The following CCDC125 variants were observed in gnomAD, a reference collection of about 807,000 sequenced individuals.
The protein encoded by CCDC125 is coiled-coil domain-containing protein 125.
In CCDC125, 43 loss-of-function variants were observed where a neutral mutation model predicts 57.4. The ratio of observed to expected loss-of-function variants is 0.75; its 90% confidence interval spans 0.59 to 0.97. CCDC125 has a LOEUF of 0.97. Ranked by LOEUF, CCDC125 falls within the 50% of genes least tolerant of loss-of-function variation. CCDC125 has a pLI of 0.00. For synonymous variants in CCDC125, 187 were observed against 195.2 expected, an observed-to-expected ratio of 0.96 and a Z score of 0.35; for missense variants, 563 against 595.7, an observed-to-expected ratio of 0.95 and a Z score of 0.57.
chr5:69,317,481 CG>C (rs1759307764), intron 2 of CCDC125, among the ~76,000 whole-genome samples: 3 of 149,110 alleles, frequency 2.0e-5, no homozygotes, highest in African/African-American at 5.2e-5. Flanking sequence ...TGAGCTACCA[CG>C]AGCTACCACG....
At chr5:69,279,073 G>T (rs528858012), downstream of CCDC125, among the ~76,000 whole-genome samples, 2 of 151,826 alleles carry the variant, frequency 1.3e-5, no homozygotes, top group South Asian at 4.2e-4. Context: ...AGTTCTGTAG[G>T]CCATATATCT....
In CCDC125 at chr5:69,320,586, G is replaced by A. The variant is rs367973296; in HGVS notation, c.-40-6C>T. The A allele has an allele frequency of 2.5e-5, 34 of 1,364,520 alleles. No individual in the cohort carries two copies. The African/African-American group carries it at 3.0e-4, about 12-fold the overall frequency. The allele number at this position is 1,364,520 out of a possible 1,614,324, so 84.5% of individuals were successfully genotyped here. ...CATAAGAAAAAATGGGCTGTCTGTA[G>A]TTAAGAAAAACAGTAGTTAGGAAAA... is the stretch of plus-strand genomic sequence containing the variant. On this transcript the variant is annotated splice_region_variant and splice_polypyrimidine_tract_variant and intron_variant, in intron 1 of 11. Transcript: ENST00000396496.
intron 2 of CCDC125, among the ~76,000 whole-genome samples, chr5:69,315,528 G>A (rs1226434112): frequency 6.9e-6 from 1 of 145,104 alleles, no homozygotes; most frequent in East Asian, 2.1e-4. Context: ...AGGCTGAGGA[G>A]GGTGGATCAT....
chr5:69,320,174 A>G, intron 2 of CCDC125, 63 bp downstream of exon 2: 1 of 1,334,230 alleles, frequency 7.5e-7, no homozygotes, highest in South Asian at 1.4e-5. Context: ...TAGATTTTGG[A>G]AGGGTTATAG....
At chr5:69,313,572 CA>C (rs1758507125) in intron 3 of CCDC125, 1 of 741,370 alleles carries the variant, frequency 1.3e-6, no homozygotes, top group East Asian at 2.5e-5. Flanking sequence ...AGAAGATAAA[CA>C]CCAGGTCCTC....
chr5:69,292,185 T>TA lies in CCDC125; in HGVS notation c.1099+2dup, dbSNP rs1754562495. 1 of 1,605,996 alleles carries TA rather than the reference T, an allele frequency of 6.2e-7. No homozygotes were observed. The highest frequency in any genetic ancestry group is 1.3e-5 in the African/African-American group (1 of 74,580). On this transcript the variant is annotated splice_region_variant and intron_variant, in intron 10 of 11. Coordinates refer to ENST00000396496, the MANE Select transcript of CCDC125 (RefSeq NM_176816.5). Reference sequence around the variant, plus strand: ...ACTTATTGCCATTATAATTCATAGTTACCATCCTCTTTAAGGTGCTTCCAA... The same window carrying TA: ...ACTTATTGCCATTATAATTCATAGTTAACCATCCTCTTTAAGGTGCTTCCAA...
rs1752504503 is a variant in CCDC125, at chr5:69,281,850, T to A, written c.*879A>T. ...AATAATTTTTTGTTTTTCCCAAAAA[T>A]CATTATTTTTTGTTTTAGGATGTTG... On this transcript the variant is annotated 3_prime_UTR_variant, in exon 12 of 12. Transcript: ENST00000396496. 2.0e-5 allele frequency: 3 copies of A among 151,928 alleles called. No homozygotes were observed. The highest frequency in any genetic ancestry group is 2.0e-4 in the Admixed American group (3 of 15,222). The allele number at this position is 151,928 out of a possible 1,614,324, so 9.4% of individuals were successfully genotyped here.
At chr5:69,299,164 C>T (rs1293884257) in intron 8 of CCDC125, among the ~76,000 whole-genome samples, 1 of 150,284 alleles carries the variant, frequency 6.7e-6, no homozygotes, top group East Asian at 2.0e-4. Context: ...GGCCAGACTG[C>T]AGTGGCGCGA....
chr5:69,316,139 A>T (rs557781573), intron 2 of CCDC125, among the ~76,000 whole-genome samples: 276 of 152,312 alleles, frequency 1.8e-3, no homozygotes, highest in African/African-American at 6.4e-3. Context: ...ACAGGCTTCC[A>T]AGGAGGGCAG....
chr5:69,275,784 G>A (rs1057453238), downstream of CCDC125, among the ~76,000 whole-genome samples: 3 of 152,106 alleles, frequency 2.0e-5, no homozygotes, highest in Non-Finnish European at 4.4e-5. Context: ...GACAAGCCTG[G>A]CCAATATAGC....
intron 10 of CCDC125, 102 bp from the exon 11 acceptor site, chr5:69,285,569 A>G: frequency 1.7e-6 from 2 of 1,156,360 alleles, no homozygotes; most frequent in Middle Eastern, 2.2e-4. Flanking sequence ...TGAGTCCAGG[A>G]GCACACAGTG....
intron 10 of CCDC125, among the ~76,000 whole-genome samples, chr5:69,290,407 A>G (rs1178960107): frequency 6.6e-6 from 1 of 151,034 alleles, no homozygotes; most frequent in Non-Finnish European, 1.5e-5. Flanking sequence ...GGTTCAAGCG[A>G]TTCTCCTGCC....
At chr5:69,275,739 G>A (rs149345383), downstream of CCDC125, among the ~76,000 whole-genome samples, 482 of 152,246 alleles carry the variant, frequency 3.2e-3, 4 homozygotes, top group African/African-American at 0.011. Flanking sequence ...TTAGGGAGGC[G>A]GAGGCGGGAG....
downstream of CCDC125, among the ~76,000 whole-genome samples, chr5:69,278,569 C>T (rs1752315941): frequency 6.6e-6 from 1 of 152,014 alleles, no homozygotes; most frequent in African/African-American, 2.4e-5. Context: ...GGAAATGACT[C>T]TATGAAATTG....
chr5:69,304,712 A>G (rs1462340412), intron 6 of CCDC125, among the ~76,000 whole-genome samples: 1 of 152,216 alleles, frequency 6.6e-6, no homozygotes, highest in African/African-American at 2.4e-5. Flanking sequence ...GGCGTGAGCC[A>G]CTGCGCCTGG....
At chr5:69,292,050 G>A (rs940842491) in intron 10 of CCDC125, 138 bp downstream of exon 10, 3 of 772,476 alleles carry the variant, frequency 3.9e-6, no homozygotes, top group Middle Eastern at 3.9e-4. Context: ...TAGTTGCTAA[G>A]TTTTTAAGTA....
chr5:69,300,159 A>G lies in CCDC125; in HGVS notation c.701-32T>C. The G allele has an allele frequency of 3.3e-6, 5 of 1,503,302 alleles. No individual in the cohort carries two copies. The East Asian group carries it at 1.1e-4, about 34-fold the overall frequency. 93.1% of individuals were successfully genotyped at this position (1,503,302 alleles called of 1,614,324 possible). ...AGGGCCATATGAGAAAGTATTCATT[A>G]TGAAGCCTAACTCCACCCTCATCCA... On this transcript the variant is annotated intron_variant, in intron 7 of 11. Transcript: ENST00000396496.
intron 6 of CCDC125, among the ~76,000 whole-genome samples, 183 bp downstream of exon 6, chr5:69,306,634 G>T (rs1269053391): frequency 6.6e-6 from 1 of 152,150 alleles, no homozygotes; most frequent in Non-Finnish European, 1.5e-5. Flanking sequence ...ACCACACCCA[G>T]CCTATGCTAT....
intron 1 of CCDC125, among the ~76,000 whole-genome samples, chr5:69,321,368 AAAGTC>A (rs1321681198): frequency 2.0e-5 from 3 of 152,232 alleles, no homozygotes; most frequent in African/African-American, 7.2e-5. Context: ...ACCCATCAGT[AAAGTC>A]ATGTGTCACC....
Sources: gnomAD v4.1 joint callset for allele counts (sites outside exome capture counted in the v4.1 genomes callset) on GRCh38, gnomAD v4.1.1 for gene constraint, MANE v1.5 for transcripts, NCBI Gene and HGNC (gene_info 2026-07-23, HGNC 2026-07-21) for gene names.